The following CCDC85A variants were observed in gnomAD, a reference collection of about 807,000 sequenced individuals.
The protein encoded by CCDC85A is coiled-coil domain containing 85A, also known as coiled-coil domain-containing protein 85A.
Under a neutral mutation model 50.2 loss-of-function variants are expected in CCDC85A, and 38 were observed. That is an observed-to-expected ratio of 0.76 (90% CI 0.58 to 0.99). The LOEUF (loss-of-function observed/expected upper bound fraction) is 0.99. Ranked by LOEUF, CCDC85A falls within the 50% of genes least tolerant of loss-of-function variation. The pLI is 0.00. For synonymous variants in CCDC85A, 366 were observed against 301.4 expected (o/e 1.21, Z -2.22); for missense variants, 820 against 742.0 (o/e 1.11, Z -1.22).
At chr2:56,317,609 T>C (rs1301653737) in intron 2 of CCDC85A, among the ~76,000 whole-genome samples, 5 of 152,068 alleles carry the variant, frequency 3.3e-5, no homozygotes, top group Non-Finnish European at 7.4e-5. Flanking sequence ...TGGAAATTAG[T>C]TTTTCAGGAA....
intron 2 of CCDC85A, among the ~76,000 whole-genome samples, chr2:56,285,393 C>A (rs1024661637): frequency 1.3e-5 from 2 of 149,542 alleles, no homozygotes; most frequent in African/African-American, 2.4e-5. Flanking sequence ...CGTGAGCCAA[C>A]ACACCTGGCC....
chr2:56,295,723 G>A (rs539776021), intron 2 of CCDC85A, among the ~76,000 whole-genome samples: 1 of 152,152 alleles, frequency 6.6e-6, no homozygotes, highest in African/African-American at 2.4e-5. Flanking sequence ...CTTCTCTTGA[G>A]TGTTAGCATC....
chr2:56,313,994 A>T (rs1040344506), intron 2 of CCDC85A, among the ~76,000 whole-genome samples: 19 of 149,572 alleles, frequency 1.3e-4, no homozygotes, highest in African/African-American at 4.8e-4. Flanking sequence ...CAACAGGTGA[A>T]GTTTTGGCTG....
chr2:56,243,749 T>A (rs1166494696), intron 2 of CCDC85A, among the ~76,000 whole-genome samples: 1 of 152,192 alleles, frequency 6.6e-6, no homozygotes, highest in Non-Finnish European at 1.5e-5. Context: ...GTCTTCACAG[T>A]CTGGACTTGT....
intron 1 of CCDC85A, among the ~76,000 whole-genome samples, chr2:56,188,720 A>G (rs1445104579): frequency 6.6e-6 from 1 of 152,238 alleles, no homozygotes; most frequent in African/African-American, 2.4e-5. Context: ...TTACTACTGT[A>G]GGCTCTGACA....
intron 2 of CCDC85A, among the ~76,000 whole-genome samples, chr2:56,305,236 T>C (rs149408555): frequency 2.2e-4 from 34 of 152,340 alleles, no homozygotes; most frequent in African/African-American, 7.9e-4. Flanking sequence ...GATGAATACA[T>C]ATGTTTACTA....
At chr2:56,230,491 T>C (rs1668729513) in intron 2 of CCDC85A, among the ~76,000 whole-genome samples, 1 of 152,318 alleles carries the variant, frequency 6.6e-6, no homozygotes, top group African/African-American at 2.4e-5. Context: ...GCTGCTAAAC[T>C]ACAGAGGCCA....
chr2:56,194,287 G>A (rs1676442162), intron 2 of CCDC85A, among the ~76,000 whole-genome samples: 6 of 152,162 alleles, frequency 3.9e-5, no homozygotes, highest in African/African-American at 1.2e-4. Context: ...AAACCTTTTC[G>A]AAGAGGTTTA....
Position 56,275,218 on chromosome 2 carries a change from G to GC in CCDC85A, c.1241-67659dup, listed in dbSNP as rs574869232. 7.3e-4 allele frequency among the ~76,000 whole-genome samples: 111 copies of GC among 152,070 alleles called. No individual in the cohort carries two copies. The East Asian group carries it at 0.019, about 27-fold the overall frequency. On this transcript the variant is annotated intron_variant, in intron 2 of 5. Coordinates refer to ENST00000407595, the MANE Select transcript of CCDC85A (RefSeq NM_001080433.2). ...TATAAGCCCTCAGTCTTTATATTAGGCCTGCTGGCCTTGAATGAATGTATC... is the reference window on the plus strand; with the variant it reads ...TATAAGCCCTCAGTCTTTATATTAGGCCCTGCTGGCCTTGAATGAATGTATC...
chr2:56,298,483 G>A (rs1672055494), intron 2 of CCDC85A, among the ~76,000 whole-genome samples: 1 of 152,176 alleles, frequency 6.6e-6, no homozygotes, highest in Non-Finnish European at 1.5e-5. Flanking sequence ...TGAGTATTTA[G>A]GTCCTAAATT....
intron 2 of CCDC85A, among the ~76,000 whole-genome samples, chr2:56,221,571 A>G (rs1668331022): frequency 6.6e-6 from 1 of 152,134 alleles, no homozygotes; most frequent in Admixed American, 6.6e-5. Context: ...GAAATAATAC[A>G]TAGCTGATGA....
intron 2 of CCDC85A, among the ~76,000 whole-genome samples, chr2:56,304,428 T>C (rs1672339893): frequency 6.6e-6 from 1 of 152,158 alleles, no homozygotes; most frequent in African/African-American, 2.4e-5. Context: ...TCAAAAATTT[T>C]CTCTAGGACT....
chr2:56,184,513 C>A lies in CCDC85A; in HGVS notation c.-112C>A. ...ACCCAGCGGCCCCTGGGCGGTGCCG[C>A]TGACTCGCCGGAGCGCACAGGGGTG... On this transcript the variant is annotated 5_prime_UTR_variant, in exon 1 of 6. In the 5' UTR this introduces an upstream ATG that the reference lacks. Coordinates refer to ENST00000407595, the MANE Select transcript of CCDC85A (RefSeq NM_001080433.2). 2 of 1,194,982 alleles carry A rather than the reference C, an allele frequency of 1.7e-6. No homozygotes were observed. Among genetic ancestry groups the A allele is most frequent in the Non-Finnish European group, 2.1e-6 (2 of 943,700 alleles). 74.0% of individuals were successfully genotyped at this position (1,194,982 alleles called of 1,614,324 possible).
chr2:56,352,904 A>C (rs900034914), intron 3 of CCDC85A, among the ~76,000 whole-genome samples: 6 of 152,212 alleles, frequency 3.9e-5, no homozygotes, highest in Non-Finnish European at 8.8e-5. Flanking sequence ...TGTCTATAAA[A>C]GAAAATTGTC....
At chr2:56,372,263 G>C (rs1558664088) in intron 3 of CCDC85A, 81 bp from the exon 4 acceptor site, 2 of 1,375,694 alleles carry the variant, frequency 1.5e-6, no homozygotes, top group East Asian at 5.4e-5. Flanking sequence ...ATCTCATTAA[G>C]CTTCATGTTC....
intron 2 of CCDC85A, among the ~76,000 whole-genome samples, chr2:56,334,330 T>C (rs554325697): frequency 6.6e-6 from 1 of 152,196 alleles, no homozygotes; most frequent in South Asian, 2.1e-4. Flanking sequence ...GGAAGTGTTG[T>C]AATATTAAAG....
intron 2 of CCDC85A, among the ~76,000 whole-genome samples, chr2:56,306,373 C>T (rs1020469489): frequency 6.6e-6 from 1 of 152,136 alleles, no homozygotes; most frequent in Non-Finnish European, 1.5e-5. Flanking sequence ...GGTGGTCCAC[C>T]TGCGTTGGCC....
intron 3 of CCDC85A, among the ~76,000 whole-genome samples, chr2:56,370,853 A>G (rs1488468914): frequency 6.6e-6 from 1 of 152,144 alleles, no homozygotes; most frequent in Non-Finnish European, 1.5e-5. Context: ...GTTAAATCCA[A>G]AAAGGATAAG....
intron 2 of CCDC85A, among the ~76,000 whole-genome samples, chr2:56,290,461 A>G (rs1028647195): frequency 6.6e-5 from 10 of 152,104 alleles, no homozygotes; most frequent in African/African-American, 2.4e-4. Context: ...CCCCTCTACT[A>G]TGGCAAATGA....
Sources: allele counts gnomAD v4.1 joint callset (sites outside exome capture counted in the v4.1 genomes callset), GRCh38; gene constraint gnomAD v4.1.1; transcripts MANE v1.5; gene names NCBI Gene and HGNC (gene_info 2026-07-23, HGNC 2026-07-21).